Variants in SLC30A7 observed in about 807,000 individuals in gnomAD.
SLC30A7 encodes the protein zinc transporter 7.
Under a neutral mutation model 46.0 loss-of-function variants are expected in SLC30A7, and 35 were observed. The ratio of observed to expected loss-of-function variants is 0.76; its 90% confidence interval spans 0.58 to 1.01. The LOEUF (loss-of-function observed/expected upper bound fraction) is 1.01, where lower values mean the gene tolerates loss of function less well. Among genes scored for constraint, SLC30A7 ranks in the 50% least tolerant of loss-of-function variants. SLC30A7 has a pLI of 0.00. For missense variants in SLC30A7, 464 were observed against 451.1 expected, an observed-to-expected ratio of 1.03 and a Z score of -0.26; for synonymous variants, 147 against 157.8, an observed-to-expected ratio of 0.93 and a Z score of 0.51.
intron 5 of SLC30A7, among the ~76,000 whole-genome samples, chr1:100,912,470 A>G (rs10493939): frequency 0.11 from 16,887 of 152,134 alleles, 1,195 homozygotes; most frequent in Non-Finnish European, 0.16. Flanking sequence ...GTTTAGTGTG[A>G]TATCATTTAT....
At chr1:100,938,044 A>T (rs940818991) in intron 8 of SLC30A7, among the ~76,000 whole-genome samples, 1 of 152,170 alleles carries the variant, frequency 6.6e-6, no homozygotes, top group African/African-American at 2.4e-5. Flanking sequence ...CCATTTAACC[A>T]TGTATGTCAG....
At chr1:100,961,539 T>C (rs1478120462) in intron 8 of SLC30A7, among the ~76,000 whole-genome samples, 1 of 152,258 alleles carries the variant, frequency 6.6e-6, no homozygotes, top group African/African-American at 2.4e-5. Context: ...GGAGTCATAT[T>C]TTAACTAACA....
rs1403866279 is a variant in SLC30A7, at chr1:100,955,086, A to G, written c.843-6742A>G. Reference sequence around the variant, plus strand: ...TACTTGACATTTATTCTCAGATCTAAGTAATAATTTTAACTGAAATTTTTT... The same window carrying G: ...TACTTGACATTTATTCTCAGATCTAGGTAATAATTTTAACTGAAATTTTTT... On this transcript the variant is annotated intron_variant, in intron 8 of 10. Coordinates refer to ENST00000357650, the MANE Select transcript of SLC30A7 (RefSeq NM_133496.5). Among the ~76,000 whole-genome samples, 10 of 152,046 alleles carry G rather than the reference A, an allele frequency of 6.6e-5. No homozygotes were observed. The East Asian group carries it at 1.9e-3, about 29-fold the overall frequency.
At chr1:100,907,296 G>GA (rs1401767544) in intron 3 of SLC30A7, among the ~76,000 whole-genome samples, 1 of 151,532 alleles carries the variant, frequency 6.6e-6, no homozygotes, top group Non-Finnish European at 1.5e-5. Flanking sequence ...TTTTCTTTTT[G>GA]AATGGATACT....
rs75831804 is a variant in SLC30A7 at position 100,915,385 on chromosome 1, T to C, written c.655+1579T>C. 9.4e-3 allele frequency among the ~76,000 whole-genome samples: 1,432 copies of C among 152,196 alleles called. 16 individuals are homozygous for C. The highest frequency in any genetic ancestry group is 0.033 in the African/African-American group (1,373 of 41,516). The stretch of plus-strand genomic sequence containing the variant: ...TGCCATACAAATCCCTAGGACCTAT[T>C]TATTTTGCACAACTGAAACTTTGTA... On this transcript the variant is annotated intron_variant, in intron 6 of 10. Transcript: ENST00000357650.
intron 7 of SLC30A7, among the ~76,000 whole-genome samples, chr1:100,920,506 ATAGAGT>A (rs1311137957): frequency 2.0e-5 from 3 of 152,016 alleles, no homozygotes; most frequent in African/African-American, 2.4e-5. Context: ...AGTTATAATA[ATAGAGT>A]TAAACTGTAT....
chr1:100,922,248 G>A (rs566010685), intron 8 of SLC30A7, among the ~76,000 whole-genome samples: 1 of 152,238 alleles, frequency 6.6e-6, no homozygotes, highest in South Asian at 2.1e-4. Context: ...TTACAGGCAT[G>A]AGCCACCGCA....
chr1:100,966,215 A>G (rs1655855088), intron 10 of SLC30A7, among the ~76,000 whole-genome samples: 1 of 150,682 alleles, frequency 6.6e-6, no homozygotes, highest in South Asian at 2.1e-4. Context: ...ACAGAGCAAG[A>G]CCCTGTCTCA....
intron 8 of SLC30A7, among the ~76,000 whole-genome samples, chr1:100,938,523 T>G (rs1453179145): frequency 1.3e-5 from 2 of 152,248 alleles, no homozygotes; most frequent in Non-Finnish European, 2.9e-5. Flanking sequence ...TTTTTCCAGC[T>G]TAAAACAATG....
rs754216296 is a variant in SLC30A7, at chr1:100,961,832, A to G, written c.847A>G (p.Ile283Val). 6.3e-7 allele frequency: 1 copy of G among 1,585,512 alleles called. No individual in the cohort carries two copies. The highest frequency in any genetic ancestry group is 2.3e-5 in the East Asian group (1 of 44,198). The change falls in exon 9 of 11, where the codon ATT (isoleucine) becomes GTT (valine). Residue 283 changes from isoleucine (I) to valine (V), a missense_variant. Transcript: ENST00000357650. ...TGTTGTCTTCCTTTTCCTTAGTGTT[A>G]TTCCTCTTTTAAGAGAATCTGTTGG... ...LIAILIVVSV[I>V]PLLRESVGIL...
At chr1:100,974,129 G>A (rs979950259) in intron 10 of SLC30A7, among the ~76,000 whole-genome samples, 7 of 152,134 alleles carry the variant, frequency 4.6e-5, no homozygotes, top group African/African-American at 1.7e-4. Context: ...GGGGGTACAA[G>A]TGCAGTTTTG....
intron 8 of SLC30A7, among the ~76,000 whole-genome samples, chr1:100,948,946 A>C (rs1240995682): frequency 6.6e-6 from 1 of 152,016 alleles, no homozygotes; most frequent in Admixed American, 6.5e-5. Context: ...CCTTTTTTCA[A>C]GGTTTTTAAC....
chr1:100,926,082 G>A (rs1011786251), intron 8 of SLC30A7, among the ~76,000 whole-genome samples: 1 of 152,142 alleles, frequency 6.6e-6, no homozygotes, highest in Non-Finnish European at 1.5e-5. Context: ...GGCTTCCAAG[G>A]TAAAACTTAT....
At position 100,974,895 on chromosome 1, in the gene SLC30A7, T is replaced by C; in HGVS notation, c.*38T>C. 6.4e-7 allele frequency: 1 copy of C among 1,569,318 alleles called. No homozygotes were observed. The highest frequency in any genetic ancestry group is 8.7e-7 in the Non-Finnish European group (1 of 1,145,872). On this transcript the variant is annotated 3_prime_UTR_variant, in exon 11 of 11. Coordinates refer to ENST00000357650, the MANE Select transcript of SLC30A7 (RefSeq NM_133496.5). The stretch of plus-strand genomic sequence containing the variant: ...AATTATGCACCTTTTATGGACCAAA[T>C]TTTTCTGGTACTGTACGATCCAAAA...
intron 8 of SLC30A7, among the ~76,000 whole-genome samples, chr1:100,944,535 T>C (rs906051023): frequency 1.3e-5 from 2 of 152,150 alleles, no homozygotes; most frequent in African/African-American, 4.8e-5. Flanking sequence ...CTTTAAGTTC[T>C]AGGGTACATG....
the SLC30A7 span, chr1:100,990,334 G>C: frequency 1.5e-6 from 2 of 1,362,360 alleles, no homozygotes; most frequent in Non-Finnish European, 2.1e-6. Flanking sequence ...ATGAGACTTG[G>C]GTGGGGATAC....
chr1:100,930,287 C>A (rs1163846633), intron 8 of SLC30A7, among the ~76,000 whole-genome samples: 1 of 151,840 alleles, frequency 6.6e-6, no homozygotes, highest in African/African-American at 2.4e-5. Flanking sequence ...AAAAACAAGT[C>A]TTTTTGTTAG....
chr1:100,909,279 T>C (rs904548819), intron 3 of SLC30A7, among the ~76,000 whole-genome samples: 5 of 152,058 alleles, frequency 3.3e-5, no homozygotes, highest in African/African-American at 1.2e-4. Context: ...GACTCTGCAA[T>C]AGAAGAAAGA....
intron 2 of SLC30A7, among the ~76,000 whole-genome samples, chr1:100,905,842 G>T (rs76337964): frequency 0.024 from 3,672 of 152,026 alleles, 156 homozygotes; most frequent in African/African-American, 0.083. Flanking sequence ...TGTATTTGTT[G>T]TTAAAGTCCT....
Sources: gnomAD v4.1 joint callset for allele counts (sites outside exome capture counted in the v4.1 genomes callset) on GRCh38, gnomAD v4.1.1 for gene constraint, MANE v1.5 for transcripts, NCBI Gene and HGNC (gene_info 2026-07-23, HGNC 2026-07-21) for gene names.